Variants in POGZ observed in about 807,000 individuals in gnomAD.
The protein encoded by POGZ is pogo transposable element with ZNF domain.
A neutral mutation model predicts 134.6 loss-of-function variants in POGZ; 17 were observed. That is an observed-to-expected ratio of 0.13 (90% CI 0.09 to 0.19). The LOEUF is 0.19. Ranked by LOEUF, POGZ falls within the 10% of genes least tolerant of loss-of-function variation. The pLI, the probability that POGZ is intolerant of heterozygous loss-of-function variation, is 1.00. For missense variants in POGZ, 1,306 were observed against 1,769.7 expected, an observed-to-expected ratio of 0.74 and a Z score of 4.70; for synonymous variants, 693 against 657.1, an observed-to-expected ratio of 1.05 and a Z score of -0.84.
intron 3 of POGZ, among the ~76,000 whole-genome samples, chr1:151,436,481 T>A (rs188779144): frequency 1.6e-4 from 24 of 152,108 alleles, no homozygotes; most frequent in Admixed American, 3.3e-4. Context: ...TTTCCTCTTG[T>A]TGCCCAGGCT....
At chr1:151,424,895 A>G (rs1657516868) in intron 8 of POGZ, 60 bp downstream of exon 8, 1 of 842,336 alleles carries the variant, frequency 1.2e-6, no homozygotes, top group Non-Finnish European at 2.0e-6. Flanking sequence ...CAAGCTTCCA[A>G]TATTAATGAA....
intron 7 of POGZ, chr1:151,427,316 C>T (rs1657951966): frequency 6.4e-6 from 1 of 157,056 alleles, no homozygotes; most frequent in African/African-American, 2.4e-5. Flanking sequence ...TGGAGCACAG[C>T]CATGCTCATT....
intron 12 of POGZ, among the ~76,000 whole-genome samples, chr1:151,411,208 C>T (rs537322968): frequency 1.3e-5 from 2 of 152,202 alleles, no homozygotes; most frequent in African/African-American, 4.8e-5. Flanking sequence ...GTCTCTTACA[C>T]CCTACACTGA....
In POGZ at chr1:151,406,432, C is replaced by T. The variant is rs200690343; in HGVS notation, c.2603G>A (p.Arg868Gln). ...HGQTRDRVHDRNVKNMYPPPS... is the reference protein window; with the variant it reads ...HGQTRDRVHDQNVKNMYPPPS... ...AGGAGGGTACATATTCTTCACGTTCCGGTCATGCACTCGGTCACGAGTCTG... is the reference window on the plus strand; with the variant it reads ...AGGAGGGTACATATTCTTCACGTTCTGGTCATGCACTCGGTCACGAGTCTG... Residue 868 changes from arginine to glutamine, a missense_variant, in exon 19 of 19, where the codon CGG (arginine) becomes CAG (glutamine). Around this residue, in one of 10 missense-constraint regions of POGZ, gnomAD observed 214 missense variants for 255.5 expected, o/e 0.84. Transcript: ENST00000271715. 70 of 1,550,660 alleles carry T rather than the reference C, an allele frequency of 4.5e-5. No homozygotes were observed. The highest frequency in any genetic ancestry group is 5.6e-5 in the Non-Finnish European group (65 of 1,150,898).
intron 10 of POGZ, among the ~76,000 whole-genome samples, chr1:151,416,065 G>A (rs930374634): frequency 1.3e-5 from 2 of 150,754 alleles, no homozygotes; most frequent in East Asian, 2.0e-4. Flanking sequence ...AAAATTAGCC[G>A]GGTGTGGTGG....
At position 151,430,651 on chromosome 1, in the gene POGZ, C is replaced by A; in HGVS notation, c.459+15G>T. The A allele has an allele frequency of 6.3e-7, 1 of 1,590,466 alleles. No homozygotes were observed. The highest frequency in any genetic ancestry group is 8.6e-7 in the Non-Finnish European group (1 of 1,167,208). ...TCTCTCCTCTAGCAACCTTGGAATTCAGAGTCCTACTCACCTGCGTAGTGA... is the reference window on the plus strand; with the variant it reads ...TCTCTCCTCTAGCAACCTTGGAATTAAGAGTCCTACTCACCTGCGTAGTGA... On this transcript the variant is annotated intron_variant, in intron 4 of 18. Coordinates refer to ENST00000271715, the MANE Select transcript of POGZ (RefSeq NM_015100.4).
intron 3 of POGZ, among the ~76,000 whole-genome samples, chr1:151,436,536 C>T (rs1659620851): frequency 6.6e-6 from 1 of 152,124 alleles, no homozygotes; most frequent in African/African-American, 2.4e-5. Context: ...CTCCGCCTCC[C>T]GAGTGCAAAC....
intron 10 of POGZ, among the ~76,000 whole-genome samples, chr1:151,413,103 CT>C (rs34480197): frequency 0.56 from 51,746 of 92,902 alleles, 13,303 homozygotes; most frequent in Middle Eastern, 0.62. Context: ...CGTGCCTGGG[CT>C]TTTTTTTTTT....
At position 151,404,927 on chromosome 1, in the gene POGZ, G is replaced by A. The variant is rs2102139743; in HGVS notation, c.4108C>T (p.Arg1370Ter). ...GTCTCTTCAGGAGATGATCTGGGTC[G>A]TGGAGTGGAAGACTCAGAATGTTCC... ...SGEHSESSTP[R>*]PRSSPEETIE... Residue 1370 changes from arginine to a stop codon, truncating the protein, a stop_gained, in exon 19 of 19, where the codon CGA becomes TGA. Coordinates refer to ENST00000271715, the MANE Select transcript of POGZ (RefSeq NM_015100.4). LOFTEE classifies it high-confidence loss of function. The A allele has an allele frequency of 6.2e-7, 1 of 1,614,184 alleles. No homozygotes were observed. The highest frequency in any genetic ancestry group is 8.5e-7 in the Non-Finnish European group (1 of 1,180,040).
chr1:151,433,606 C>CAAAAAAAAAAAAAA (rs57509550), intron 3 of POGZ, among the ~76,000 whole-genome samples: 1 of 81,738 alleles, frequency 1.2e-5, no homozygotes, highest in African/African-American at 4.8e-5. Context: ...AATTCCGTCT[C>CAAAAAAAAAAAAAA]AAAAAAAAAA....
Position 151,429,851 on chromosome 1 carries a change from T to C in POGZ, c.460-140A>G, listed in dbSNP as rs555058174. 9 of 466,132 alleles carry C rather than the reference T, an allele frequency of 1.9e-5. No homozygotes were observed. In the East Asian group the frequency reaches 2.7e-4, roughly 14 times the overall value. The allele number at this position is 466,132 out of a possible 1,614,324, so 28.9% of individuals were successfully genotyped here. ...TCTAGAATTAGAGGTTTCAAATGAC[T>C]GAGAGGGAAAAATTTAGGAAATTCT... On this transcript the variant is annotated intron_variant, in intron 4 of 18. Coordinates refer to ENST00000271715, the MANE Select transcript of POGZ (RefSeq NM_015100.4).
At chr1:151,419,309 C>G (rs1031086893) in intron 10 of POGZ, among the ~76,000 whole-genome samples, 1 of 151,914 alleles carries the variant, frequency 6.6e-6, no homozygotes, top group Admixed American at 6.6e-5. Flanking sequence ...TTGCAGAGAG[C>G]CAAGACTGCG....
At chr1:151,417,217 C>T (rs1655903807) in intron 10 of POGZ, among the ~76,000 whole-genome samples, 1 of 151,354 alleles carries the variant, frequency 6.6e-6, no homozygotes, top group African/African-American at 2.4e-5. Flanking sequence ...GCGCGTGCCA[C>T]CACACACGGC....
chr1:151,457,718 G>GA (rs933451742), intron 1 of POGZ, among the ~76,000 whole-genome samples: 3 of 152,158 alleles, frequency 2.0e-5, no homozygotes, highest in Non-Finnish European at 4.4e-5. Flanking sequence ...CCTGAGGTCA[G>GA]GCGTTCAAGA....
chr1:151,404,302 G>A lies in POGZ; in HGVS notation c.*500C>T, dbSNP rs1653191238. 3 of 984,384 alleles carry A rather than the reference G, an allele frequency of 3.0e-6. No homozygotes were observed. The highest frequency in any genetic ancestry group is 3.6e-6 in the Non-Finnish European group (3 of 828,802). The allele number at this position is 984,384 out of a possible 1,614,324, so 61.0% of individuals were successfully genotyped here. A position where few individuals can be genotyped will look rare whatever the true frequency, so the allele number is the denominator to read the frequency against. On this transcript the variant is annotated 3_prime_UTR_variant, in exon 19 of 19. Coordinates refer to ENST00000271715, the MANE Select transcript of POGZ (RefSeq NM_015100.4). ...CCATATATATAATAAACCAGTTTGTGAGCTACATAATTTGTCTTTCCCATC... is the reference window on the plus strand; with the variant it reads ...CCATATATATAATAAACCAGTTTGTAAGCTACATAATTTGTCTTTCCCATC...
At chr1:151,453,880 A>G (rs573948144) in intron 1 of POGZ, among the ~76,000 whole-genome samples, 1 of 152,356 alleles carries the variant, frequency 6.6e-6, no homozygotes, top group East Asian at 1.9e-4. Context: ...AGACCTTTTA[A>G]AACAATATAC....
At chr1:151,458,829 G>A (rs867065646) in intron 1 of POGZ, among the ~76,000 whole-genome samples, 2 of 145,628 alleles carry the variant, frequency 1.4e-5, no homozygotes, top group Non-Finnish European at 1.5e-5. Flanking sequence ...GCGCGCCGCG[G>A]CGGGCGCCGG....
chr1:151,408,982 A>C (rs1654168228), intron 12 of POGZ, among the ~76,000 whole-genome samples, 154 bp from the exon 13 acceptor site: 1 of 152,172 alleles, frequency 6.6e-6, no homozygotes, highest in Non-Finnish European at 1.5e-5. Context: ...ATGCAACATG[A>C]CCACAAAACC....
intron 12 of POGZ, 59 bp from the exon 13 acceptor site, chr1:151,408,887 C>A: frequency 6.6e-7 from 1 of 1,516,756 alleles, no homozygotes; most frequent in African/African-American, 1.4e-5. Flanking sequence ...AATAAATTTT[C>A]TTTTTTGAGG....
Sources: gnomAD v4.1 joint callset for allele counts (sites outside exome capture counted in the v4.1 genomes callset) on GRCh38, gnomAD v4.1.1 for gene constraint, gnomAD v4.1.1 regional missense constraint, MANE v1.5 for transcripts, NCBI Gene and HGNC (gene_info 2026-07-23, HGNC 2026-07-21) for gene names.